Variants in RNF217 observed in about 807,000 individuals in gnomAD.
The protein encoded by RNF217 is ring finger protein 217.
RNF217 carries 31 observed loss-of-function variants against 57.8 expected under a neutral mutation model. The observed-to-expected ratio is 0.54, with a 90% CI of 0.40 to 0.72. RNF217 has a LOEUF of 0.72. Among genes scored for constraint, RNF217 ranks in the 30% least tolerant of loss-of-function variants. The probability of loss-of-function intolerance (pLI) is 0.00; values close to 1 mark genes in which losing one functional copy is unlikely to be tolerated. For missense variants in RNF217, 696 were observed against 708.3 expected, an observed-to-expected ratio of 0.98 and a Z score of 0.20; for synonymous variants, 313 against 294.0, an observed-to-expected ratio of 1.06 and a Z score of -0.66.
chr6:124,993,984 T>C (rs1005353462), intron 1 of RNF217, among the ~76,000 whole-genome samples: 8 of 152,114 alleles, frequency 5.3e-5, no homozygotes, highest in African/African-American at 1.9e-4. Flanking sequence ...TTGAAAGTCA[T>C]TGAAACAACA....
chr6:125,000,812 T>C (rs577313261), intron 1 of RNF217, among the ~76,000 whole-genome samples: 2 of 152,234 alleles, frequency 1.3e-5, no homozygotes, highest in East Asian at 3.9e-4. Flanking sequence ...AGTGGATAAC[T>C]GTAGTAAAAA....
chr6:124,997,488 C>T (rs1329929753), intron 1 of RNF217, among the ~76,000 whole-genome samples: 1 of 152,152 alleles, frequency 6.6e-6, no homozygotes, highest in Non-Finnish European at 1.5e-5. Flanking sequence ...ATCTCAAATA[C>T]TTCTTAGGCA....
intron 1 of RNF217, among the ~76,000 whole-genome samples, chr6:125,016,856 A>G (rs886857868): frequency 2.0e-5 from 3 of 152,140 alleles, no homozygotes; most frequent in Admixed American, 1.3e-4. Context: ...GGGTGCAGCA[A>G]ACGGCCATGG....
intron 4 of RNF217, among the ~76,000 whole-genome samples, chr6:125,077,814 G>GTTGCT (rs1230757671): frequency 6.6e-6 from 1 of 152,076 alleles, no homozygotes; most frequent in East Asian, 1.9e-4. Flanking sequence ...CTTTTGCCTA[G>GTTGCT]TTGCTTTATG....
rs1182977467 is a variant in RNF217 at position 125,016,049 on chromosome 6, G to C, written c.883-29162G>C. Among the ~76,000 whole-genome samples, 8 of 152,082 alleles carry C rather than the reference G, an allele frequency of 5.3e-5. No individual in the cohort carries two copies. The East Asian group carries it at 1.5e-3, about 29-fold the overall frequency. ...TACATAAAAATATAAGGAAGCCCAC[G>C]AATCTAATGACACTGGATACCAACT... On this transcript the variant is annotated intron_variant, in intron 1 of 5. Coordinates refer to ENST00000521654, the MANE Select transcript of RNF217 (RefSeq NM_001286398.3).
intron 1 of RNF217, among the ~76,000 whole-genome samples, chr6:125,034,901 G>T (rs1201673485): frequency 1.3e-5 from 2 of 152,034 alleles, no homozygotes; most frequent in Non-Finnish European, 2.9e-5. Flanking sequence ...TCTCCTTGAA[G>T]AGGTCCTTCA....
At chr6:125,007,559 T>C (rs1383617192) in intron 1 of RNF217, among the ~76,000 whole-genome samples, 1 of 152,210 alleles carries the variant, frequency 6.6e-6, no homozygotes, top group Non-Finnish European at 1.5e-5. Flanking sequence ...CTTTGAGCAT[T>C]TTAAACATAG....
chr6:125,041,600 A>G (rs1375960178), intron 1 of RNF217, among the ~76,000 whole-genome samples: 4 of 152,018 alleles, frequency 2.6e-5, no homozygotes, highest in South Asian at 2.1e-4. Context: ...ACTGGAGCCA[A>G]TGTTCTTGTT....
intron 1 of RNF217, among the ~76,000 whole-genome samples, chr6:125,021,231 G>T (rs539221359): frequency 1.3e-5 from 2 of 151,094 alleles, no homozygotes; most frequent in South Asian, 4.2e-4. Context: ...ACAATGTTCA[G>T]AAACAATGAT....
At chr6:125,052,623 A>G (rs148617338) in intron 2 of RNF217, among the ~76,000 whole-genome samples, 22 of 152,192 alleles carry the variant, frequency 1.4e-4, no homozygotes, top group African/African-American at 5.1e-4. Flanking sequence ...CATTGCCACC[A>G]TCTGACTTTA....
chr6:124,989,385 G>T (rs910956877), intron 1 of RNF217, among the ~76,000 whole-genome samples: 1 of 152,044 alleles, frequency 6.6e-6, no homozygotes, highest in African/African-American at 2.4e-5. Flanking sequence ...TTCTTTTGAC[G>T]TATGCAATAG....
At chr6:125,022,029 G>C (rs1785862054) in intron 1 of RNF217, among the ~76,000 whole-genome samples, 1 of 152,006 alleles carries the variant, frequency 6.6e-6, no homozygotes, top group Non-Finnish European at 1.5e-5. Context: ...TCACAAGCAT[G>C]CACCACCACA....
chr6:125,001,361 T>C (rs568797107), intron 1 of RNF217, among the ~76,000 whole-genome samples: 1 of 152,314 alleles, frequency 6.6e-6, no homozygotes, highest in East Asian at 1.9e-4. Flanking sequence ...AATGGAGTTG[T>C]CTTCTCTAAA....
intron 1 of RNF217, among the ~76,000 whole-genome samples, chr6:124,985,738 A>G (rs4896641): frequency 0.24 from 36,691 of 152,106 alleles, 4,826 homozygotes; most frequent in East Asian, 0.4. Context: ...AGATTTATGA[A>G]TGTCTAGCTC....
chr6:124,962,628 T>C lies in RNF217; in HGVS notation c.84T>C (p.Pro28=). 7.6e-7 allele frequency: 1 copy of C among 1,321,762 alleles called. No homozygotes were observed. The highest frequency in any genetic ancestry group is 9.6e-7 in the Non-Finnish European group (1 of 1,046,554). The allele number at this position is 1,321,762 out of a possible 1,614,324, so 81.9% of individuals were successfully genotyped here. A position where few individuals can be genotyped will look rare whatever the true frequency, so the allele number is the denominator to read the frequency against. ...QTLASGTAGH[P]EPPRPQGDSA... The stretch of plus-strand genomic sequence containing the variant: ...TGGCCAGTGGCACTGCGGGCCACCC[T>C]GAGCCCCCGAGGCCTCAGGGGGACA... The change falls in exon 1 of 6, where the codon CCT becomes CCC. Residue 28 remains proline (P), a synonymous_variant. Coordinates refer to ENST00000521654, the MANE Select transcript of RNF217 (RefSeq NM_001286398.3). This position sits in a 1 kb window ranked among gnomAD's most constrained non-coding sequence, Gnocchi z 4.6.
intron 3 of RNF217, among the ~76,000 whole-genome samples, chr6:125,064,418 A>G (rs1055173082): frequency 6.6e-6 from 1 of 152,184 alleles, no homozygotes; most frequent in Non-Finnish European, 1.5e-5. Flanking sequence ...TTTTTATGAC[A>G]AGTAATGTTA....
At chr6:125,065,994 C>G (rs1002920587) in intron 3 of RNF217, among the ~76,000 whole-genome samples, 1 of 152,178 alleles carries the variant, frequency 6.6e-6, no homozygotes, top group African/African-American at 2.4e-5. Context: ...AATGGCCACT[C>G]CAGTCTTCCA....
chr6:124,971,540 C>T (rs1159434118), intron 1 of RNF217: 4 of 296,316 alleles, frequency 1.3e-5, no homozygotes, highest in Non-Finnish European at 2.7e-5. Flanking sequence ...ACGGAAACCT[C>T]CACATCCCAG....
rs1440734986 is a variant in RNF217, at chr6:125,089,589, G to T, written c.*6652G>T. On this transcript the variant is annotated 3_prime_UTR_variant, in exon 6 of 6. Coordinates refer to ENST00000521654, the MANE Select transcript of RNF217 (RefSeq NM_001286398.3). ...TTTGCAAGTGTTTGACTTTTTTATTGATATGATTTAGATATGCCACACTCA... is the reference window on the plus strand; with the variant it reads ...TTTGCAAGTGTTTGACTTTTTTATTTATATGATTTAGATATGCCACACTCA... 6.6e-6 allele frequency: 1 copy of T among 152,026 alleles called. No individual in the cohort carries two copies. The highest frequency in any genetic ancestry group is 1.5e-5 in the Non-Finnish European group (1 of 68,006). 9.4% of individuals were successfully genotyped at this position (152,026 alleles called of 1,614,324 possible).
Sources: gnomAD v4.1 joint callset for allele counts (sites outside exome capture counted in the v4.1 genomes callset) on GRCh38, gnomAD v4.1.1 for gene constraint, Gnocchi (gnomAD v3.1) non-coding constraint, MANE v1.5 for transcripts, NCBI Gene and HGNC (gene_info 2026-07-23, HGNC 2026-07-21) for gene names.